MAP2K6: variants seen among roughly 807,000 people sequenced by gnomAD.
MAP2K6 encodes the protein dual specificity mitogen-activated protein kinase kinase 6.
MAP2K6 carries 16 observed loss-of-function variants against 53.7 expected under a neutral mutation model. That is an observed-to-expected ratio of 0.30 (90% CI 0.20 to 0.45). The LOEUF is 0.45. Ranked by LOEUF, MAP2K6 falls within the 20% of genes least tolerant of loss-of-function variation. The probability of loss-of-function intolerance (pLI) is 1.00; values close to 1 mark genes in which losing one functional copy is unlikely to be tolerated. For synonymous variants in MAP2K6, 132 were observed against 143.1 expected (o/e 0.92, Z 0.55); for missense variants, 204 against 411.9 (o/e 0.50, Z 4.37).
At chr17:69,458,938 A>G (rs1907517916) in intron 1 of MAP2K6, among the ~76,000 whole-genome samples, 1 of 152,196 alleles carries the variant, frequency 6.6e-6, no homozygotes, top group African/African-American at 2.4e-5. Context: ...CTTTTGGAGC[A>G]CATTAAAGCA....
At chr17:69,495,152 TTTAACTA>T (rs906325577) in intron 1 of MAP2K6, among the ~76,000 whole-genome samples, 1 of 152,074 alleles carries the variant, frequency 6.6e-6, no homozygotes, top group Non-Finnish European at 1.5e-5. Context: ...ATGCCACTCT[TTTAACTA>T]TTAAAACAGA....
intron 1 of MAP2K6, among the ~76,000 whole-genome samples, chr17:69,480,517 A>G (rs537849370): frequency 1.4e-4 from 22 of 152,230 alleles, no homozygotes; most frequent in Non-Finnish European, 2.2e-4. Context: ...AGCCTTTGGC[A>G]TACAAGGAGG....
At position 69,519,550 on chromosome 17, in the gene MAP2K6, C is replaced by T. The variant is rs529263397; in HGVS notation, c.366+118C>T. The T allele has an allele frequency of 1.3e-4, 164 of 1,245,736 alleles. No individual in the cohort carries two copies. In the East Asian group the frequency reaches 1.4e-3, roughly 11 times the overall value. 77.2% of individuals were successfully genotyped at this position (1,245,736 alleles called of 1,614,324 possible). A position where few individuals can be genotyped will look rare whatever the true frequency, so the allele number is the denominator to read the frequency against. On this transcript the variant is annotated intron_variant, in intron 5 of 11. Coordinates refer to ENST00000590474, the MANE Select transcript of MAP2K6 (RefSeq NM_002758.4). ...TTTCTTGTTTGACACATCTTGTATA[C>T]GGGGGTTTACGTGTGTGCAATGATG...
At chr17:69,419,931 A>T (rs2145125202) in intron 1 of MAP2K6, among the ~76,000 whole-genome samples, 1 of 134,664 alleles carries the variant, frequency 7.4e-6, no homozygotes, top group African/African-American at 2.8e-5. Context: ...AAAAAAAATT[A>T]ATTAATTTGG....
chr17:69,432,971 A>G (rs1032913821), intron 1 of MAP2K6: 5 of 152,236 alleles, frequency 3.3e-5, no homozygotes, highest in African/African-American at 4.8e-5. Context: ...AAGGGCTACA[A>G]TACCCTCTGG....
chr17:69,465,178 C>T (rs527784767), intron 1 of MAP2K6, among the ~76,000 whole-genome samples: 7 of 150,364 alleles, frequency 4.7e-5, no homozygotes, highest in East Asian at 1.9e-4. Context: ...TCTATGCATA[C>T]GAGATTGGAC....
chr17:69,524,868 TC>T, intron 8 of MAP2K6, 32 bp from the exon 9 acceptor site: 1 of 1,528,978 alleles, frequency 6.5e-7, no homozygotes, highest in Non-Finnish European at 9.1e-7. Flanking sequence ...TCAATTGTCT[TC>T]CCAGTTTCTC....
chr17:69,539,744 G>A (rs1807007862), intron 11 of MAP2K6, among the ~76,000 whole-genome samples: 1 of 152,208 alleles, frequency 6.6e-6, no homozygotes, highest in South Asian at 2.1e-4. Context: ...CAGTCACCAA[G>A]ATAATCTGAG....
At chr17:69,446,132 G>A (rs778135303) in intron 1 of MAP2K6, among the ~76,000 whole-genome samples, 10 of 152,194 alleles carry the variant, frequency 6.6e-5, no homozygotes, top group Non-Finnish European at 8.8e-5. Context: ...TGCTACCTTA[G>A]CGTTATATTT....
At chr17:69,445,879 T>G (rs1293204948) in intron 1 of MAP2K6, among the ~76,000 whole-genome samples, 2 of 152,232 alleles carry the variant, frequency 1.3e-5, no homozygotes, top group African/African-American at 4.8e-5. Flanking sequence ...AAAGTAAAGC[T>G]TGTGCAGGTC....
At position 69,414,761 on chromosome 17, in the gene MAP2K6, C is replaced by T. The variant is rs1300825163; in HGVS notation, c.-224C>T. 2 of 525,092 alleles carry T rather than the reference C, an allele frequency of 3.8e-6. No individual in the cohort carries two copies. Among genetic ancestry groups the T allele is most frequent in the Non-Finnish European group, 3.4e-6 (1 of 292,764 alleles). 32.5% of individuals were successfully genotyped at this position (525,092 alleles called of 1,614,324 possible). ...ATCATGTAGCTGCAGCACAGCCTTC[C>T]CTAACGTTGCAACTGGGGGAAAAAT... On this transcript the variant is annotated 5_prime_UTR_variant, in exon 1 of 12. Transcript: ENST00000590474.
chr17:69,536,646 G>C (rs1487541910), intron 11 of MAP2K6, among the ~76,000 whole-genome samples: 1 of 152,156 alleles, frequency 6.6e-6, no homozygotes, highest in Non-Finnish European at 1.5e-5. Flanking sequence ...GTGGAAAAAA[G>C]TAAGACAAAG....
At chr17:69,418,334 T>C (rs1905969657) in intron 1 of MAP2K6, among the ~76,000 whole-genome samples, 1 of 152,224 alleles carries the variant, frequency 6.6e-6, no homozygotes, top group African/African-American at 2.4e-5. Context: ...GATTCTCTTG[T>C]CTTTGTTTTT....
rs1912189635 is a variant in MAP2K6 at position 69,553,769 on chromosome 17, A to G, written c.*12016A>G. 2.0e-5 allele frequency: 3 copies of G among 152,230 alleles called. No homozygotes were observed. Among genetic ancestry groups the G allele is most frequent in the Admixed American group, 6.5e-5 (1 of 15,284 alleles). The allele number at this position is 152,230 out of a possible 1,614,324, so 9.4% of individuals were successfully genotyped here. The stretch of plus-strand genomic sequence containing the variant: ...ATGGCTTTCATAGCTGGGACAAGTA[A>G]CATTAAGTATTCAGGAGCAAAGTGT... On this transcript the variant is annotated 3_prime_UTR_variant, in exon 12 of 12. Transcript: ENST00000590474.
At chr17:69,505,901 C>A in intron 2 of MAP2K6, 55 bp downstream of exon 2, 1 of 1,504,196 alleles carries the variant, frequency 6.6e-7, no homozygotes, top group Non-Finnish European at 9.2e-7. Context: ...CAGATTCCTC[C>A]TGGGGGTTTA....
intron 1 of MAP2K6, among the ~76,000 whole-genome samples, chr17:69,465,765 G>A (rs1171112543): frequency 1.3e-5 from 2 of 151,548 alleles, no homozygotes; most frequent in South Asian, 4.2e-4. Context: ...GATTATAGAC[G>A]TGTGCCACCA....
intron 1 of MAP2K6, among the ~76,000 whole-genome samples, chr17:69,471,905 G>T (rs144455314): frequency 4.2e-4 from 64 of 152,238 alleles, no homozygotes; most frequent in Non-Finnish European, 5.3e-4. Flanking sequence ...GAATGATTTC[G>T]TATGATTTAA....
At chr17:69,529,008 C>T (rs1190633547) in intron 10 of MAP2K6, among the ~76,000 whole-genome samples, 2 of 152,074 alleles carry the variant, frequency 1.3e-5, no homozygotes, top group African/African-American at 4.8e-5. Flanking sequence ...CCACCTATCC[C>T]CTTTTCCCAA....
chr17:69,467,914 T>G (rs1215232152), intron 1 of MAP2K6, among the ~76,000 whole-genome samples: 1 of 152,030 alleles, frequency 6.6e-6, no homozygotes, highest in Non-Finnish European at 1.5e-5. Flanking sequence ...TACAGGCATG[T>G]GCCACCACGC....
Sources: gnomAD v4.1 joint callset for allele counts (sites outside exome capture counted in the v4.1 genomes callset) on GRCh38, gnomAD v4.1.1 for gene constraint, MANE v1.5 for transcripts, NCBI Gene and HGNC (gene_info 2026-07-23, HGNC 2026-07-21) for gene names.